Variants in KDM6A observed in about 807,000 individuals in gnomAD.
KDM6A encodes lysine demethylase 6A, also known as lysine-specific demethylase 6A.
In KDM6A, 11 loss-of-function variants were observed where a neutral mutation model predicts 117.6. That is an observed-to-expected ratio of 0.09 (90% CI 0.06 to 0.15). The LOEUF is 0.15. Ranked by LOEUF, KDM6A falls within the 10% of genes least tolerant of loss-of-function variation. The probability of loss-of-function intolerance (pLI) is 1.00; values close to 1 mark genes in which losing one functional copy is unlikely to be tolerated. For missense variants in KDM6A, 799 were observed against 1,077.3 expected, an observed-to-expected ratio of 0.74 and a Z score of 3.62; for synonymous variants, 384 against 396.1, an observed-to-expected ratio of 0.97 and a Z score of 0.36.
At chrX:44,960,514 A>G (rs1180174196) in intron 2 of KDM6A, among the ~76,000 whole-genome samples, 1 of 111,887 alleles carries the variant, frequency 8.9e-6, no homozygotes. Context: ...CTAAAATAGA[A>G]AGGATAAATT....
intron 25 of KDM6A, among the ~76,000 whole-genome samples, chrX:45,087,557 A>G (rs941730091): frequency 2.4e-4 from 27 of 112,001 alleles, no homozygotes; most frequent in African/African-American, 8.4e-4. Flanking sequence ...TTTTTTATGG[A>G]CCAGTAGCAG....
At chrX:44,969,510 C>T (rs764873879) in intron 3 of KDM6A, among the ~76,000 whole-genome samples, 5 of 102,768 alleles carry the variant, frequency 4.9e-5, no homozygotes, top group South Asian at 9.4e-4. Context: ...CTCTGCCTCC[C>T]GGGTTCACGC....
intron 3 of KDM6A, among the ~76,000 whole-genome samples, chrX:44,973,591 C>T (rs1440008538): frequency 9.0e-6 from 1 of 110,925 alleles, no homozygotes; most frequent in Non-Finnish European, 1.9e-5. Context: ...TCTAGAATTA[C>T]ATATCTGTTG....
chrX:44,943,109 A>T (rs1301940457), intron 2 of KDM6A, among the ~76,000 whole-genome samples: 2 of 111,489 alleles, frequency 1.8e-5, no homozygotes, highest in African/African-American at 6.5e-5. Context: ...GTCTCATTTT[A>T]AAAAATAAAC....
At chrX:45,018,746 T>C (rs2147649088) in intron 5 of KDM6A, among the ~76,000 whole-genome samples, 1 of 111,972 alleles carries the variant, frequency 8.9e-6, no homozygotes, top group African/African-American at 3.2e-5. Flanking sequence ...ATTCTTTTTC[T>C]TTCATATCTT....
At chrX:44,942,160 G>A (rs1292614603) in intron 2 of KDM6A, among the ~76,000 whole-genome samples, 1 of 109,364 alleles carries the variant, frequency 9.1e-6, no homozygotes, top group African/African-American at 3.3e-5. Flanking sequence ...TCAGCCTCCT[G>A]AGTAGCTGGG....
intron 8 of KDM6A, among the ~76,000 whole-genome samples, chrX:45,043,900 T>C (rs1243706870): frequency 8.9e-6 from 1 of 112,708 alleles, no homozygotes; most frequent in Non-Finnish European, 1.9e-5. Context: ...GGATCACATA[T>C]ATGATGGTGG....
At chrX:44,988,520 T>G (rs1317575522) in intron 4 of KDM6A, among the ~76,000 whole-genome samples, 1 of 111,155 alleles carries the variant, frequency 9.0e-6, no homozygotes, top group African/African-American at 3.3e-5. Context: ...TCTGCTCTGT[T>G]TTTTCCCCAT....
intron 2 of KDM6A, among the ~76,000 whole-genome samples, chrX:44,907,481 CT>C (rs1157850343): frequency 1.1e-3 from 79 of 73,141 alleles, no homozygotes; most frequent in Non-Finnish European, 1.5e-3. Context: ...TTTTTTTTTT[CT>C]TTTTTTTTTT....
chrX:45,016,647 G>A (rs184066736), intron 5 of KDM6A, among the ~76,000 whole-genome samples: 7 of 110,652 alleles, frequency 6.3e-5, no homozygotes, highest in East Asian at 2.9e-4. Flanking sequence ...CTACAGGCGC[G>A]TGCCACCACG....
At chrX:44,912,975 G>A (rs996018247) in intron 2 of KDM6A, among the ~76,000 whole-genome samples, 3 of 111,963 alleles carry the variant, frequency 2.7e-5, no homozygotes, top group African/African-American at 9.8e-5. Context: ...AATGCTCTAG[G>A]CCTTACTTTC....
Position 44,998,554 on chromosome X carries a change from T to C in KDM6A, c.385-12407T>C, listed in dbSNP as rs144618989. On this transcript the variant is annotated intron_variant, in intron 4 of 29. Transcript: ENST00000611820. ...TCTATACCCACCTTCCCCCTTTTTT[T>C]ATTCCCCAGTAGGTTTTGTTTTGTT... Among the ~76,000 whole-genome samples the C allele has an allele frequency of 6.6e-3, 733 of 111,696 alleles. 3 individuals are homozygous for C. Among genetic ancestry groups the C allele is most frequent in the African/African-American group, 0.022 (672 of 30,704 alleles).
intron 4 of KDM6A, among the ~76,000 whole-genome samples, chrX:44,979,624 G>A: frequency 9.1e-6 from 1 of 110,016 alleles, no homozygotes; most frequent in East Asian, 2.8e-4. Context: ...TTTACAGTTT[G>A]TGCTTTTTGT....
intron 3 of KDM6A, among the ~76,000 whole-genome samples, chrX:44,971,110 G>A (rs1402411348): frequency 1.8e-5 from 2 of 111,416 alleles, no homozygotes; most frequent in African/African-American, 6.5e-5. Flanking sequence ...CCACACCATT[G>A]ACTACACAAA....
intron 2 of KDM6A, among the ~76,000 whole-genome samples, chrX:44,894,528 G>A (rs1390219896): frequency 9.1e-6 from 1 of 110,423 alleles, no homozygotes; most frequent in Non-Finnish European, 1.9e-5. Context: ...AGCAAAATCT[G>A]TAGTGTTCTC....
At chrX:45,078,620 T>C in intron 20 of KDM6A, 115 bp downstream of exon 20, 1 of 615,602 alleles carries the variant, frequency 1.6e-6, no homozygotes, top group Non-Finnish European at 2.5e-6. Context: ...TTTTCTTTTT[T>C]TGTATTTTAA....
intron 4 of KDM6A, among the ~76,000 whole-genome samples, chrX:44,976,787 C>CAT (rs1261876053): frequency 9.0e-6 from 1 of 111,318 alleles, no homozygotes; most frequent in East Asian, 2.8e-4. Flanking sequence ...CTGCTGTGAA[C>CAT]ATTTGTGTAC....
At chrX:44,952,271 CTT>C (rs35385542) in intron 2 of KDM6A, among the ~76,000 whole-genome samples, 6 of 89,894 alleles carry the variant, frequency 6.7e-5, no homozygotes, top group Admixed American at 1.2e-4. Flanking sequence ...TTCTACTGAC[CTT>C]TTTTTTTTTT....
At chrX:44,968,205 T>C (rs1198833275) in intron 3 of KDM6A, among the ~76,000 whole-genome samples, 1 of 112,546 alleles carries the variant, frequency 8.9e-6, no homozygotes, top group East Asian at 2.8e-4. Flanking sequence ...ACTCCAATTA[T>C]TCCATATTGA....
Sources: gnomAD v4.1 joint callset for allele counts (sites outside exome capture counted in the v4.1 genomes callset) on GRCh38, gnomAD v4.1.1 for gene constraint, MANE v1.5 for transcripts, NCBI Gene and HGNC (gene_info 2026-07-23, HGNC 2026-07-21) for gene names.